COL9A1: variants seen among roughly 807,000 people sequenced by gnomAD.
COL9A1 encodes collagen alpha-1(IX) chain.
Under a neutral mutation model 142.6 loss-of-function variants are expected in COL9A1, and 104 were observed. The ratio of observed to expected loss-of-function variants is 0.73; its 90% CI spans 0.62 to 0.86. The LOEUF (loss-of-function observed/expected upper bound fraction) is 0.86, where lower values mean the gene tolerates loss of function less well. COL9A1 is among the 40% of genes least tolerant of loss of function. The pLI is 0.00. For missense variants in COL9A1, 1,210 were observed against 1,176.6 expected (o/e 1.03, Z -0.42); for synonymous variants, 466 against 396.0 (o/e 1.18, Z -2.10).
intron 36 of COL9A1, among the ~76,000 whole-genome samples, chr6:70,230,206 G>A (rs938603692): frequency 2.0e-5 from 3 of 152,210 alleles, no homozygotes; most frequent in African/African-American, 7.2e-5. Flanking sequence ...AAAGCTATAT[G>A]TTTTCTAATA....
rs186502697 is a variant in COL9A1, at chr6:70,236,650, G to T, written c.2113-1710C>A. ...TCAGCAAATGTGCTTTTCCAATTTC[G>T]CTTTATGCAAAAGAAATTGATATTC... is the stretch of plus-strand genomic sequence containing the variant. On this transcript the variant is annotated intron_variant, in intron 33 of 37. Transcript: ENST00000357250. Among the ~76,000 whole-genome samples, 9 of 152,016 alleles carry T rather than the reference G, an allele frequency of 5.9e-5. No individual in the cohort carries two copies. The East Asian group carries it at 1.2e-3, about 20-fold the overall frequency.
intron 20 of COL9A1, among the ~76,000 whole-genome samples, chr6:70,257,983 G>C (rs184882256): frequency 6.6e-5 from 10 of 152,218 alleles, no homozygotes; most frequent in Admixed American, 5.9e-4. Flanking sequence ...TAAAGTAACC[G>C]GCCTATTTTC....
At chr6:70,239,430 C>A in intron 32 of COL9A1, 144 bp from the exon 33 acceptor site, 2 of 633,570 alleles carry the variant, frequency 3.2e-6, no homozygotes, top group Non-Finnish European at 5.7e-6. Context: ...TATTAGACTC[C>A]AATTTTGGAT....
rs1005505876 is a variant in COL9A1, at chr6:70,240,869, G to C, written c.2035-136C>G. The C allele has an allele frequency of 2.1e-4, 164 of 773,878 alleles. 1 individual carries two copies. The highest frequency in any genetic ancestry group is 3.0e-4 in the Non-Finnish European group (128 of 430,616). The allele number at this position is 773,878 out of a possible 1,614,324, so 47.9% of individuals were successfully genotyped here. ...TGCAGAAATACAAAATGCTCTCAGCGGCTTTCCAATCTAGCTGTCAGTGGT... is the reference window on the plus strand; with the variant it reads ...TGCAGAAATACAAAATGCTCTCAGCCGCTTTCCAATCTAGCTGTCAGTGGT... On this transcript the variant is annotated intron_variant, in intron 31 of 37. Coordinates refer to ENST00000357250, the MANE Select transcript of COL9A1 (RefSeq NM_001851.6).
chr6:70,245,516 T>G (rs1195265750), intron 28 of COL9A1: 2 of 149,092 alleles, frequency 1.3e-5, no homozygotes, highest in Non-Finnish European at 3.0e-5. Context: ...GATAACCATA[T>G]TCTCAGATAT....
rs185434302 is a variant in COL9A1, at chr6:70,270,577, T to C, written c.1144-210A>G. Among the ~76,000 whole-genome samples the C allele has an allele frequency of 7.9e-5, 12 of 152,232 alleles. No homozygotes were observed. The East Asian group carries it at 2.3e-3, about 29-fold the overall frequency. On this transcript the variant is annotated intron_variant, in intron 14 of 37. Coordinates refer to ENST00000357250, the MANE Select transcript of COL9A1 (RefSeq NM_001851.6). ...AGGCATTCCAGTCTCACCGAGGTAA[T>C]AAAACAAGTCAGAGAGAAGCTAGGG... is the stretch of plus-strand genomic sequence containing the variant.
chr6:70,247,820 C>A (rs1051224107), intron 28 of COL9A1, among the ~76,000 whole-genome samples: 2 of 152,136 alleles, frequency 1.3e-5, no homozygotes, highest in African/African-American at 2.4e-5. Context: ...TCTGTCCAAA[C>A]TCTAACCATC....
chr6:70,250,725 T>C (rs78205108), intron 28 of COL9A1, among the ~76,000 whole-genome samples: 6,938 of 152,236 alleles, frequency 0.046, 329 homozygotes, highest in East Asian at 0.14. Flanking sequence ...TCACTTGGAG[T>C]TCTTTTGGCT....
intron 6 of COL9A1, 24 bp from the exon 7 acceptor site, chr6:70,282,942 A>C: frequency 6.2e-7 from 1 of 1,614,114 alleles, no homozygotes; most frequent in Non-Finnish European, 8.5e-7. Context: ...GATGGGGAGA[A>C]AGTGAGAAAA....
rs912999244 is a variant in COL9A1 at position 70,246,318 on chromosome 6, T to A, written c.1873-3603A>T. ...GAGGTTGCAGTGACCCGAGATTGCATCACTGCATTCCAGCCTGGGCAACAG... is the reference window on the plus strand; with the variant it reads ...GAGGTTGCAGTGACCCGAGATTGCAACACTGCATTCCAGCCTGGGCAACAG... On this transcript the variant is annotated intron_variant, in intron 28 of 37. Transcript: ENST00000357250. 14 of 151,958 alleles carry A rather than the reference T, an allele frequency of 9.2e-5. No individual in the cohort carries two copies. The East Asian group carries it at 2.7e-3, about 29-fold the overall frequency. The allele number at this position is 151,958 out of a possible 1,614,324, so 9.4% of individuals were successfully genotyped here. A position where few individuals can be genotyped will look rare whatever the true frequency, so the allele number is the denominator to read the frequency against.
intron 37 of COL9A1, 149 bp from the exon 38 acceptor site, chr6:70,217,230 G>T: frequency 2.8e-6 from 2 of 719,816 alleles, no homozygotes; most frequent in African/African-American, 1.8e-5. Context: ...TGGTGATGAT[G>T]ATGATGATGA....
At chr6:70,284,153 G>T (rs1437194234) in intron 5 of COL9A1, among the ~76,000 whole-genome samples, 1 of 152,120 alleles carries the variant, frequency 6.6e-6, no homozygotes, top group Non-Finnish European at 1.5e-5. Flanking sequence ...CTAAAATGAG[G>T]TTCAGAGAGA....
rs138465615 is a variant in COL9A1, at chr6:70,234,549, T to C, written c.2304A>G (p.Arg768=). ...TDQHIKQVCM[R]VIQEHFAEMA... ...TTGTGATTTATTTACCTTGTATGACTCTCATGCAAACCTGCTTAATGTGCT... is the reference window on the plus strand; with the variant it reads ...TTGTGATTTATTTACCTTGTATGACCCTCATGCAAACCTGCTTAATGTGCT... Residue 768 remains arginine (R), a synonymous_variant, in exon 35 of 38, where the codon AGA becomes AGG. Transcript: ENST00000357250. The C allele has an allele frequency of 3.5e-5, 56 of 1,614,036 alleles. No homozygotes were observed. The African/African-American group carries it at 5.2e-4, about 15-fold the overall frequency.
intron 14 of COL9A1, among the ~76,000 whole-genome samples, chr6:70,270,652 T>C (rs1583302552): frequency 6.6e-6 from 1 of 152,226 alleles, no homozygotes; most frequent in Non-Finnish European, 1.5e-5. Context: ...TTATCTACTC[T>C]GAAAGCAAAT....
chr6:70,247,440 C>A (rs894148925), intron 28 of COL9A1, among the ~76,000 whole-genome samples: 1 of 152,356 alleles, frequency 6.6e-6, no homozygotes, highest in South Asian at 2.1e-4. Context: ...CTTGTAATGG[C>A]TGTTGTCTTT....
chr6:70,265,240 T>C (rs1203894898), intron 18 of COL9A1, among the ~76,000 whole-genome samples: 1 of 152,110 alleles, frequency 6.6e-6, no homozygotes, highest in African/African-American at 2.4e-5. Flanking sequence ...TGGAGAGGCA[T>C]CTGGATTAAC....
At chr6:70,231,201 C>A (rs1387467526) in intron 36 of COL9A1, among the ~76,000 whole-genome samples, 1 of 152,146 alleles carries the variant, frequency 6.6e-6, no homozygotes, top group Non-Finnish European at 1.5e-5. Flanking sequence ...CAGAACCACT[C>A]CCTAAAGTGA....
At chr6:70,222,373 C>T (rs1388385663) in intron 37 of COL9A1, among the ~76,000 whole-genome samples, 1 of 152,178 alleles carries the variant, frequency 6.6e-6, no homozygotes, top group Non-Finnish European at 1.5e-5. Context: ...AGTGCATAAG[C>T]CCTGGCAGCC....
rs778692300 is a variant in COL9A1, at chr6:70,225,906, T to C, written c.2581+26A>G. The C allele has an allele frequency of 7.8e-5, 124 of 1,598,326 alleles. 1 individual carries two copies. The South Asian group carries it at 1.3e-3, about 17-fold the overall frequency. ...ACTTGCTACCAATTTCGCTACCTCC[T>C]CCTCTCAGCTATACAACACACTTAC... On this transcript the variant is annotated intron_variant, in intron 37 of 37. Coordinates refer to ENST00000357250, the MANE Select transcript of COL9A1 (RefSeq NM_001851.6).
Sources: allele counts gnomAD v4.1 joint callset (sites outside exome capture counted in the v4.1 genomes callset), GRCh38; gene constraint gnomAD v4.1.1; transcripts MANE v1.5; gene names NCBI Gene and HGNC (gene_info 2026-07-23, HGNC 2026-07-21).